AFG2A: variants seen among roughly 807,000 people sequenced by gnomAD.
AFG2A encodes the protein ATPase family gene 2 protein homolog A.
chr4:123,285,044 A>G, the AFG2A span, among the ~76,000 whole-genome samples: 1 of 152,118 alleles, frequency 6.6e-6, no homozygotes, highest in Non-Finnish European at 1.5e-5. Context: ...AAAGTTCTTA[A>G]AAGTCTAGCA....
At chr4:123,196,046 G>C in the AFG2A span, among the ~76,000 whole-genome samples, 1 of 150,500 alleles carries the variant, frequency 6.6e-6, no homozygotes, top group Non-Finnish European at 1.5e-5. Context: ...TGTCACCCAG[G>C]CTGGAGTGCA....
chr4:122,939,844 A>C, the AFG2A span, among the ~76,000 whole-genome samples: 2 of 152,052 alleles, frequency 1.3e-5, no homozygotes. Context: ...ATGTGTTCTC[A>C]TTGTTCAATT....
the AFG2A span, chr4:122,979,149 C>G: frequency 6.7e-6 from 10 of 1,495,664 alleles, no homozygotes; most frequent in Admixed American, 1.1e-4. Flanking sequence ...TGTTGCCACT[C>G]CAGATGGGCC....
At chr4:123,269,452 C>G in the AFG2A span, among the ~76,000 whole-genome samples, 1 of 152,206 alleles carries the variant, frequency 6.6e-6, no homozygotes, top group Non-Finnish European at 1.5e-5. Context: ...TGTGACATGG[C>G]TTGCATAGTG....
At chr4:123,207,927 C>T in the AFG2A span, among the ~76,000 whole-genome samples, 4 of 152,076 alleles carry the variant, frequency 2.6e-5, no homozygotes, top group African/African-American at 9.7e-5. Context: ...AGTGAGAAGG[C>T]CAATTCTCAA....
the AFG2A span, among the ~76,000 whole-genome samples, chr4:123,180,795 G>A: frequency 2.0e-5 from 3 of 152,042 alleles, no homozygotes; most frequent in African/African-American, 7.2e-5. Context: ...CCAGGATTGT[G>A]TGGGTAATAT....
At chr4:123,164,746 T>A in the AFG2A span, among the ~76,000 whole-genome samples, 1 of 152,226 alleles carries the variant, frequency 6.6e-6, no homozygotes, top group Non-Finnish European at 1.5e-5. Context: ...TTAGCATTTT[T>A]AATTTACTTT....
chr4:123,207,458 C>A, the AFG2A span, among the ~76,000 whole-genome samples: 1 of 151,858 alleles, frequency 6.6e-6, no homozygotes, highest in East Asian at 1.9e-4. Flanking sequence ...GGACTACAGG[C>A]ACACGCCACC....
At chr4:123,244,162 T>C in the AFG2A span, among the ~76,000 whole-genome samples, 1 of 151,830 alleles carries the variant, frequency 6.6e-6, no homozygotes, top group Non-Finnish European at 1.5e-5. Context: ...AAAGGTGCAC[T>C]GAACAGCCAA....
At chr4:122,993,322 T>G in the AFG2A span, among the ~76,000 whole-genome samples, 83 of 152,254 alleles carry the variant, frequency 5.5e-4, no homozygotes, top group African/African-American at 1.9e-3. Context: ...TAGTTAATCT[T>G]AAGATATATG....
At chr4:123,162,753 C>T in the AFG2A span, among the ~76,000 whole-genome samples, 2 of 152,064 alleles carry the variant, frequency 1.3e-5, no homozygotes, top group African/African-American at 4.8e-5. Context: ...GGGTTGACAT[C>T]AGGCATACCC....
chr4:123,091,285 C>G, the AFG2A span, among the ~76,000 whole-genome samples: 1,642 of 152,204 alleles, frequency 0.011, 35 homozygotes, highest in South Asian at 0.096. Flanking sequence ...AGAGAGCTGT[C>G]CTACAAAGGA....
the AFG2A span, among the ~76,000 whole-genome samples, chr4:122,946,458 G>A: frequency 3.3e-5 from 5 of 152,152 alleles, no homozygotes; most frequent in Non-Finnish European, 7.4e-5. Flanking sequence ...TAGATTCGCT[G>A]TAGTCCATGC....
the AFG2A span, chr4:122,947,210 T>C: frequency 6.6e-7 from 1 of 1,506,248 alleles, no homozygotes; most frequent in East Asian, 2.5e-5. Context: ...AAAAATAAAT[T>C]TATTTTCATT....
the AFG2A span, among the ~76,000 whole-genome samples, chr4:123,303,710 A>G: frequency 3.3e-5 from 5 of 152,018 alleles, no homozygotes; most frequent in Admixed American, 3.3e-4. Flanking sequence ...GCAGTGACCC[A>G]TGTTCAAACT....
chr4:123,046,380 A>T, the AFG2A span, among the ~76,000 whole-genome samples: 1 of 152,332 alleles, frequency 6.6e-6, no homozygotes, highest in African/African-American at 2.4e-5. Flanking sequence ...TAAAGTGCTT[A>T]GAACAGTTCA....
chr4:123,171,376 A>G, the AFG2A span, among the ~76,000 whole-genome samples: 2,065 of 152,288 alleles, frequency 0.014, 15 homozygotes, highest in Middle Eastern at 0.051. Flanking sequence ...TAAGGAAACA[A>G]AAGCAGATAA....
At chr4:123,199,477 T>G in the AFG2A span, among the ~76,000 whole-genome samples, 10 of 137,528 alleles carry the variant, frequency 7.3e-5, 1 homozygote, top group Admixed American at 1.5e-4. Context: ...TTTTTTTTTT[T>G]TTTTTTTTTT....
At chr4:122,957,074 C>T in the AFG2A span, among the ~76,000 whole-genome samples, 3 of 151,554 alleles carry the variant, frequency 2.0e-5, no homozygotes, top group East Asian at 5.8e-4. Context: ...TGTCATAATG[C>T]ATTATGACAT....
Sources: gnomAD v4.1 joint callset for allele counts (sites outside exome capture counted in the v4.1 genomes callset) on GRCh38, gnomAD v4.1.1 for gene constraint, MANE v1.5 for transcripts, NCBI Gene and HGNC (gene_info 2026-07-23, HGNC 2026-07-21) for gene names.